METTL16: variants seen among roughly 807,000 people sequenced by gnomAD.
METTL16 encodes the protein RNA N(6)-adenosine-methyltransferase METTL16.
METTL16 carries 19 observed loss-of-function variants against 57.9 expected under a neutral mutation model. The observed-to-expected ratio is 0.33, with a 90% confidence interval of 0.23 to 0.48. The LOEUF is 0.48. Ranked by LOEUF, METTL16 falls within the 20% of genes least tolerant of loss-of-function variation. The pLI, the probability that METTL16 is intolerant of heterozygous loss-of-function variation, is 0.99. For synonymous variants in METTL16, 246 were observed against 255.6 expected (o/e 0.96, Z 0.36); for missense variants, 434 against 691.5 (o/e 0.63, Z 4.18).
At position 2,467,706 on chromosome 17, in the gene METTL16, G is replaced by C; in HGVS notation, c.585+55C>G. On this transcript the variant is annotated intron_variant, in intron 5 of 9. Transcript: ENST00000263092. Reference sequence around the variant, plus strand: ...CTCCCAAAGTGCAGGGATTACAGGCGTGAGCCACCGCGCCCAGCCTATATT... The same window carrying C: ...CTCCCAAAGTGCAGGGATTACAGGCCTGAGCCACCGCGCCCAGCCTATATT... 3.6e-6 allele frequency: 5 copies of C among 1,396,542 alleles called. No homozygotes were observed. In the Middle Eastern group the frequency reaches 7.1e-4, roughly 199 times the overall value. 86.5% of individuals were successfully genotyped at this position (1,396,542 alleles called of 1,614,324 possible).
chr17:2,424,939 C>T (rs1016833896), intron 8 of METTL16, among the ~76,000 whole-genome samples: 1 of 151,022 alleles, frequency 6.6e-6, no homozygotes, highest in Admixed American at 6.6e-5. Context: ...CAGAGCGAGA[C>T]TCCGTCTCAA....
chr17:2,490,433 C>T (rs537671638), intron 2 of METTL16, among the ~76,000 whole-genome samples: 4 of 152,210 alleles, frequency 2.6e-5, no homozygotes, highest in Non-Finnish European at 4.4e-5. Context: ...ACTACAACTA[C>T]AACCACAAAA....
chr17:2,483,414 T>C (rs908041088), intron 2 of METTL16, among the ~76,000 whole-genome samples: 2 of 152,184 alleles, frequency 1.3e-5, no homozygotes, highest in African/African-American at 4.8e-5. Context: ...GAACAGCTTC[T>C]ATAGGACAGT....
chr17:2,501,250 A>T (rs2067484637), intron 2 of METTL16, among the ~76,000 whole-genome samples: 1 of 152,190 alleles, frequency 6.6e-6, no homozygotes, highest in Admixed American at 6.5e-5. Flanking sequence ...CAATATGACA[A>T]GACCTTGTCT....
At chr17:2,481,231 A>AC (rs1027580240) in intron 2 of METTL16, among the ~76,000 whole-genome samples, 1 of 151,704 alleles carries the variant, frequency 6.6e-6, no homozygotes, top group African/African-American at 2.4e-5. Context: ...ACAATGACAA[A>AC]AAAAAAAAAA....
At chr17:2,507,666 C>T (rs915381004) in intron 1 of METTL16, among the ~76,000 whole-genome samples, 9 of 152,066 alleles carry the variant, frequency 5.9e-5, no homozygotes, top group South Asian at 2.1e-4. Flanking sequence ...ATGACAATGG[C>T]GGTTTTGTGG....
At chr17:2,474,386 GAAAAAAAAAAA>G (rs752477163) in intron 3 of METTL16, among the ~76,000 whole-genome samples, 4 of 60,236 alleles carry the variant, frequency 6.6e-5, no homozygotes, top group African/African-American at 8.6e-5. Context: ...GAAACAAAAA[GAAAAAAAAAAA>G]AAAAAAAAAA....
rs2067256480 is a variant in METTL16, at chr17:2,474,449, T to C, written c.329-785A>G. ...AACTCATCTCTCAGATGAGAAGACA[T>C]GCGAAAATATTTGGTTTGGAGCCAC... On this transcript the variant is annotated intron_variant, in intron 3 of 9. Transcript: ENST00000263092. 7.9e-5 allele frequency among the ~76,000 whole-genome samples: 11 copies of C among 138,878 alleles called. No homozygotes were observed. In the South Asian group the frequency reaches 1.1e-3, roughly 14 times the overall value. The allele number at this position is 138,878 out of a possible 152,430, so 91.1% of individuals were successfully genotyped here.
At chr17:2,469,942 T>C (rs2067225426) in intron 4 of METTL16, among the ~76,000 whole-genome samples, 1 of 152,236 alleles carries the variant, frequency 6.6e-6, no homozygotes, top group Non-Finnish European at 1.5e-5. Context: ...CTAGTTATAT[T>C]CTACAAAGTA....
intron 1 of METTL16, 64 bp from the exon 2 acceptor site, chr17:2,502,395 G>T: frequency 1.3e-6 from 2 of 1,528,876 alleles, no homozygotes; most frequent in South Asian, 1.1e-5. Flanking sequence ...TGGGGGCCGG[G>T]TGCGGTGCCT....
intron 2 of METTL16, among the ~76,000 whole-genome samples, chr17:2,487,873 G>A (rs2067355241): frequency 6.6e-6 from 1 of 152,016 alleles, no homozygotes; most frequent in African/African-American, 2.4e-5. Flanking sequence ...AGATGTGGTG[G>A]CAGACACCTA....
At chr17:2,509,103 G>A (rs1472271857) in intron 1 of METTL16, among the ~76,000 whole-genome samples, 1 of 152,168 alleles carries the variant, frequency 6.6e-6, no homozygotes, top group Non-Finnish European at 1.5e-5. Flanking sequence ...ACCCTGTGCT[G>A]CTTCTCCCTC....
intron 8 of METTL16, among the ~76,000 whole-genome samples, chr17:2,422,795 C>A (rs1162175404): frequency 6.6e-6 from 1 of 151,862 alleles, no homozygotes. Context: ...ACCAGCCTGG[C>A]CAACATGGTG....
At chr17:2,490,332 T>TG (rs1276991331) in intron 2 of METTL16, among the ~76,000 whole-genome samples, 8 of 152,162 alleles carry the variant, frequency 5.3e-5, no homozygotes, top group Admixed American at 2.0e-4. Flanking sequence ...TGTACTCGCT[T>TG]GGGGGGATGT....
intron 2 of METTL16, among the ~76,000 whole-genome samples, chr17:2,489,732 C>CAATAAAAAAAAAAA (rs2067371191): frequency 1.7e-5 from 1 of 60,330 alleles, no homozygotes; most frequent in Non-Finnish European, 2.6e-5. Flanking sequence ...GAGCGAGACT[C>CAATAAAAAAAAAAA]AAAAAAAAAA....
In METTL16 at chr17:2,420,496, C is replaced by T. The variant is rs984424549; in HGVS notation, c.1163G>A (p.Arg388His). 3.7e-6 allele frequency: 6 copies of T among 1,613,960 alleles called. No homozygotes were observed. The African/African-American group carries it at 4.0e-5, about 11-fold the overall frequency. Residue 388 changes from arginine to histidine, a missense_variant, in exon 10 of 10, where the codon CGT becomes CAT. By Grantham distance (29) the Arg-to-His change is conservative (BLOSUM62 0). Around this residue, in one of 5 missense-constraint regions of METTL16, gnomAD observed 26 missense variants for 63.0 expected, o/e 0.41. Transcript: ENST00000263092. This position sits in a 1 kb window ranked among gnomAD's most constrained non-coding sequence, Gnocchi z 5.4. ...GGGAACTTCTCTCAGCTGTCTCACA[C>T]GCTCTCTTTTCTTTCTCCTTAAATG... ...WIHLRRKKRE[R>H]VRQLREVPRA...
chr17:2,455,960 G>A (rs1424922385), intron 6 of METTL16, among the ~76,000 whole-genome samples: 4 of 151,944 alleles, frequency 2.6e-5, no homozygotes, highest in Non-Finnish European at 5.9e-5. Flanking sequence ...TCTAGTCTGG[G>A]TGACAGAGCA....
chr17:2,454,670 T>G (rs536009418), intron 6 of METTL16, among the ~76,000 whole-genome samples: 2 of 150,278 alleles, frequency 1.3e-5, no homozygotes, highest in Non-Finnish European at 3.0e-5. Context: ...GTTCAAGCAA[T>G]TTTCCCATCT....
intron 1 of METTL16, among the ~76,000 whole-genome samples, chr17:2,504,132 T>G (rs147399632): frequency 2.0e-5 from 3 of 152,286 alleles, no homozygotes; most frequent in Admixed American, 1.3e-4. Context: ...GGACAAATAT[T>G]GTATGCTTTC....
Sources: allele counts gnomAD v4.1 joint callset (sites outside exome capture counted in the v4.1 genomes callset), GRCh38; gene constraint gnomAD v4.1.1; regional missense constraint gnomAD v4.1.1; non-coding constraint Gnocchi (gnomAD v3.1); transcripts MANE v1.5; gene names NCBI Gene and HGNC (gene_info 2026-07-23, HGNC 2026-07-21).